BAZ2B: variants seen among roughly 807,000 people sequenced by gnomAD.
The protein encoded by BAZ2B is bromodomain adjacent to zinc finger domain 2B.
BAZ2B carries 91 observed loss-of-function variants against 246.0 expected under a neutral mutation model. That is an observed-to-expected ratio of 0.37 (90% CI 0.31 to 0.44). The LOEUF (loss-of-function observed/expected upper bound fraction) is 0.44, where lower values mean the gene tolerates loss of function less well. Among genes scored for constraint, BAZ2B ranks in the 20% least tolerant of loss-of-function variants. The pLI is 1.00. For synonymous variants in BAZ2B, 855 were observed against 860.0 expected, an observed-to-expected ratio of 0.99 and a Z score of 0.10; for missense variants, 2,332 against 2,533.7, an observed-to-expected ratio of 0.92 and a Z score of 1.71.
At chr2:159,326,387 G>C (rs2063711661) in intron 34 of BAZ2B, among the ~76,000 whole-genome samples, 1 of 152,122 alleles carries the variant, frequency 6.6e-6, no homozygotes, top group Admixed American at 6.6e-5. Flanking sequence ...AAATAGAGAA[G>C]TCCAAGTGAT....
In BAZ2B at chr2:159,429,227, C is replaced by G; in HGVS notation, c.2228G>C (p.Arg743Pro). The part of the protein sequence containing the change: ...TSKRRRVTDE[R>P]ELRIPLEYGW... ...ATATTCCAATGGAATACGCAGTTCA[C>G]GTTCATCTGTTACTCTTCTTCTTTT... The change falls in exon 11 of 37, where the codon CGT becomes CCT. Residue 743 changes from arginine to proline, a missense_variant. Arg to Pro is a moderately radical substitution (Grantham distance 103). Coordinates refer to ENST00000392783, the MANE Select transcript of BAZ2B (RefSeq NM_013450.4). The G allele has an allele frequency of 6.4e-7, 1 of 1,558,990 alleles. No homozygotes were observed. Among genetic ancestry groups the G allele is most frequent in the Non-Finnish European group, 8.7e-7 (1 of 1,147,702 alleles).
intron 3 of BAZ2B, chr2:159,458,265 C>T (rs1351958817): frequency 6.6e-6 from 1 of 152,528 alleles, no homozygotes; most frequent in Non-Finnish European, 1.5e-5. Context: ...GCCTCAGTCT[C>T]CCAAAGTGCT....
At chr2:159,375,105 G>A (rs1468094538) in intron 25 of BAZ2B, among the ~76,000 whole-genome samples, 2 of 152,220 alleles carry the variant, frequency 1.3e-5, no homozygotes, top group East Asian at 3.9e-4. Context: ...CTACTTGGGA[G>A]GCTGACACAG....
At chr2:159,665,839 G>A in the BAZ2B span, among the ~76,000 whole-genome samples, 1 of 151,034 alleles carries the variant, frequency 6.6e-6, no homozygotes, top group African/African-American at 2.4e-5. Flanking sequence ...CACCATCAGT[G>A]TTTGCAAATT....
At chr2:159,658,485 C>T in the BAZ2B span, among the ~76,000 whole-genome samples, 1 of 152,148 alleles carries the variant, frequency 6.6e-6, no homozygotes, top group Non-Finnish European at 1.5e-5. Context: ...AAGCGTGTAC[C>T]ACCATGCCCA....
At chr2:159,332,110 G>A (rs1038981504) in intron 34 of BAZ2B, among the ~76,000 whole-genome samples, 4 of 152,102 alleles carry the variant, frequency 2.6e-5, no homozygotes, top group Admixed American at 1.3e-4. Context: ...TTAAACATGG[G>A]AGAAAGTAAC....
chr2:159,357,705 C>T (rs2059260643), intron 27 of BAZ2B, among the ~76,000 whole-genome samples: 1 of 152,166 alleles, frequency 6.6e-6, no homozygotes, highest in Admixed American at 6.5e-5. Flanking sequence ...ATGTTAAGGA[C>T]AGCCAGAGAG....
intron 13 of BAZ2B, among the ~76,000 whole-genome samples, chr2:159,416,307 T>C (rs2067699954): frequency 1.3e-5 from 2 of 152,124 alleles, no homozygotes; most frequent in Non-Finnish European, 2.9e-5. Flanking sequence ...ATAGGAACAA[T>C]AGTTGTACAA....
chr2:159,453,777 T>A lies in BAZ2B; in HGVS notation c.170A>T (p.Asp57Val). The change falls in exon 4 of 37, where the codon GAT becomes GTT. Residue 57 changes from aspartate (D) to valine (V), a missense_variant. Coordinates refer to ENST00000392783, the MANE Select transcript of BAZ2B (RefSeq NM_013450.4). ...PCGHLFRTAG[D>V]QPFNLSTVSS... The stretch of plus-strand genomic sequence containing the variant: ...CACTGTGGACAGGTTAAACGGTTGA[T>A]CCCCAGCTGTTCTGAATAAATGTCC... The A allele has an allele frequency of 6.2e-7, 1 of 1,608,242 alleles. No homozygotes were observed. The highest frequency in any genetic ancestry group is 1.1e-5 in the South Asian group (1 of 89,572).
At chr2:159,428,090 CCAGCTT>C in intron 12 of BAZ2B, 48 bp from the exon 13 acceptor site, 1 of 1,548,590 alleles carries the variant, frequency 6.5e-7, no homozygotes, top group Non-Finnish European at 8.9e-7. Flanking sequence ...TAATTACAAC[CCAGCTT>C]TGATGTATAG....
intron 31 of BAZ2B, among the ~76,000 whole-genome samples, 182 bp downstream of exon 31, chr2:159,347,304 A>C (rs906823167): frequency 1.3e-5 from 2 of 151,674 alleles, no homozygotes; most frequent in African/African-American, 4.9e-5. Context: ...GACCATTGGC[A>C]CATTACTTAC....
chr2:159,563,710 C>T (rs961774049), intron 1 of BAZ2B, among the ~76,000 whole-genome samples: 4 of 151,824 alleles, frequency 2.6e-5, no homozygotes, highest in African/African-American at 7.3e-5. Flanking sequence ...TACAGAGTTT[C>T]GGATTTGGAA....
the BAZ2B span, among the ~76,000 whole-genome samples, chr2:159,637,146 G>C: frequency 4.6e-5 from 7 of 152,200 alleles, no homozygotes; most frequent in Non-Finnish European, 1.0e-4. Flanking sequence ...GACTCCTTCT[G>C]TTTGAGAAAA....
the BAZ2B span, among the ~76,000 whole-genome samples, chr2:159,683,731 C>T: frequency 4.6e-5 from 7 of 152,160 alleles, no homozygotes; most frequent in Admixed American, 2.6e-4. Context: ...TACCAGTATT[C>T]CTTGGTTCCT....
At chr2:159,522,568 G>A (rs2084247522) in intron 2 of BAZ2B, among the ~76,000 whole-genome samples, 1 of 152,156 alleles carries the variant, frequency 6.6e-6, no homozygotes, top group African/African-American at 2.4e-5. Flanking sequence ...ACCAAAGGCA[G>A]TATCAACTAC....
intron 20 of BAZ2B, 62 bp downstream of exon 20, chr2:159,395,707 C>T: frequency 1.4e-6 from 2 of 1,385,818 alleles, no homozygotes; most frequent in Non-Finnish European, 2.0e-6. Flanking sequence ...TTTAGAAGAG[C>T]CAATGCTTTA....
intron 1 of BAZ2B, among the ~76,000 whole-genome samples, chr2:159,565,403 C>T (rs1457909116): frequency 6.6e-6 from 1 of 152,106 alleles, no homozygotes; most frequent in Non-Finnish European, 1.5e-5. Flanking sequence ...CAGTATAACA[C>T]ACATGCTGAT....
At chr2:159,510,450 T>C (rs2082802407) in intron 2 of BAZ2B, among the ~76,000 whole-genome samples, 1 of 152,182 alleles carries the variant, frequency 6.6e-6, no homozygotes, top group South Asian at 2.1e-4. Flanking sequence ...GATTCAGGCA[T>C]GAGCCACTGC....
At chr2:159,606,124 T>TA (rs1213689808) in intron 1 of BAZ2B, among the ~76,000 whole-genome samples, 1 of 152,214 alleles carries the variant, frequency 6.6e-6, no homozygotes, top group South Asian at 2.1e-4. Context: ...CTAAAATACT[T>TA]ACACTACTAT....
Sources: allele counts gnomAD v4.1 joint callset (sites outside exome capture counted in the v4.1 genomes callset), GRCh38; gene constraint gnomAD v4.1.1; transcripts MANE v1.5; gene names NCBI Gene and HGNC (gene_info 2026-07-23, HGNC 2026-07-21).